Variants in MPPED2 observed in about 807,000 individuals in gnomAD.
The protein encoded by MPPED2 is metallophosphoesterase domain containing 2, also known as metallophosphoesterase MPPED2.
In MPPED2, 5 loss-of-function variants were observed where a neutral mutation model predicts 33.0. The observed-to-expected ratio is 0.15, with a 90% CI of 0.08 to 0.32. The LOEUF is 0.32. Ranked by LOEUF, MPPED2 falls within the 10% of genes least tolerant of loss-of-function variation. The pLI is 1.00. For missense variants in MPPED2, 275 were observed against 372.1 expected (o/e 0.74, Z 2.15); for synonymous variants, 136 against 141.9 (o/e 0.96, Z 0.29).
chr11:30,534,638 C>T (rs1312840974), intron 3 of MPPED2, among the ~76,000 whole-genome samples: 1 of 152,186 alleles, frequency 6.6e-6, no homozygotes, highest in Non-Finnish European at 1.5e-5. Context: ...GTGAAACACA[C>T]AGCTACAGTG....
intron 4 of MPPED2, among the ~76,000 whole-genome samples, chr11:30,419,549 G>A (rs1187644552): frequency 6.6e-6 from 1 of 152,080 alleles, no homozygotes; most frequent in African/African-American, 2.4e-5. Context: ...CCGTCTTTTG[G>A]TGACAACATC....
At chr11:30,550,532 G>A (rs939427120) in intron 2 of MPPED2, among the ~76,000 whole-genome samples, 1 of 152,168 alleles carries the variant, frequency 6.6e-6, no homozygotes, top group African/African-American at 2.4e-5. Flanking sequence ...GGCAATTTAG[G>A]AAGCAGGTAA....
At position 30,485,094 on chromosome 11, in the gene MPPED2, A is replaced by T. The variant is rs143425223; in HGVS notation, c.536+10202T>A. Among the ~76,000 whole-genome samples the T allele has an allele frequency of 7.2e-4, 110 of 152,300 alleles. 1 individual carries two copies. Among genetic ancestry groups the T allele is most frequent in the African/African-American group, 2.6e-3 (109 of 41,582 alleles). The stretch of plus-strand genomic sequence containing the variant: ...GAGTGCCAGGAACTTAACATACATG[A>T]TCTTATTTTAATCCCATGAAAAATA... On this transcript the variant is annotated intron_variant, in intron 4 of 6. Transcript: ENST00000358117.
chr11:30,567,322 TA>T (rs1389562662), intron 2 of MPPED2, among the ~76,000 whole-genome samples: 2 of 152,200 alleles, frequency 1.3e-5, no homozygotes, highest in East Asian at 3.8e-4. Context: ...AGGCCAGTCT[TA>T]GGGGCAGGCC....
rs953942952 is a variant in MPPED2, at chr11:30,411,372, A to C, written c.*96T>G. 4 of 1,432,264 alleles carry C rather than the reference A, an allele frequency of 2.8e-6. No individual in the cohort carries two copies. Among genetic ancestry groups the C allele is most frequent in the Middle Eastern group, 2.0e-4 (1 of 5,092 alleles). The allele number at this position is 1,432,264 out of a possible 1,614,324, so 88.7% of individuals were successfully genotyped here. A position where few individuals can be genotyped will look rare whatever the true frequency, so the allele number is the denominator to read the frequency against. The stretch of plus-strand genomic sequence containing the variant: ...TTCCAACAATTTACAAAAAGAACTC[A>C]CAGGGTTTGTAAATAAGTAAGAGAA... On this transcript the variant is annotated 3_prime_UTR_variant, in exon 7 of 7. Transcript: ENST00000358117.
chr11:30,388,679 C>G, exon 7 of MPPED2: 1 of 487,206 alleles, frequency 2.1e-6, no homozygotes, highest in Non-Finnish European at 3.4e-6. Context: ...CCTCTTCCAG[C>G]AGAGCCCTCC....
At position 30,573,212 on chromosome 11, in the gene MPPED2, T is replaced by C. The variant is rs200245019; in HGVS notation, c.128+7034A>G. On this transcript the variant is annotated intron_variant, in intron 2 of 6. Coordinates refer to ENST00000358117, the MANE Select transcript of MPPED2 (RefSeq NM_001584.3). ...GAGTTGAAAATTTTCTATCGCCTAA[T>C]GACATTAGCTGTCATAATGTCATTG... is the stretch of plus-strand genomic sequence containing the variant. Among the ~76,000 whole-genome samples, 6 of 152,318 alleles carry C rather than the reference T, an allele frequency of 3.9e-5. No homozygotes were observed. The South Asian group carries it at 8.3e-4, about 21-fold the overall frequency.
chr11:30,452,836 G>A (rs1950120945), intron 4 of MPPED2, among the ~76,000 whole-genome samples: 1 of 152,020 alleles, frequency 6.6e-6, no homozygotes, highest in African/African-American at 2.4e-5. Context: ...TATTCTACGT[G>A]GCTCTGCAAA....
intron 4 of MPPED2, among the ~76,000 whole-genome samples, chr11:30,493,150 G>A (rs1187296650): frequency 6.6e-6 from 1 of 152,020 alleles, no homozygotes; most frequent in East Asian, 1.9e-4. Flanking sequence ...TTGGGAGGCC[G>A]AGGCGGGCGG....
intron 6 of MPPED2, among the ~76,000 whole-genome samples, chr11:30,402,418 G>A (rs1947921333): frequency 6.6e-6 from 1 of 152,196 alleles, no homozygotes; most frequent in African/African-American, 2.4e-5. Flanking sequence ...CCATTGTGTT[G>A]GAAAAGCCCA....
chr11:30,577,554 A>G (rs575311010), intron 2 of MPPED2, among the ~76,000 whole-genome samples: 1 of 152,326 alleles, frequency 6.6e-6, no homozygotes, highest in South Asian at 2.1e-4. Context: ...TTTAGACTAA[A>G]TATTTTATAG....
At chr11:30,530,538 T>A (rs953867980) in intron 3 of MPPED2, among the ~76,000 whole-genome samples, 4 of 152,176 alleles carry the variant, frequency 2.6e-5, no homozygotes, top group African/African-American at 9.7e-5. Flanking sequence ...AGAGAATCTG[T>A]CATAAAGGAT....
chr11:30,506,210 T>C (rs1405176978), intron 3 of MPPED2, among the ~76,000 whole-genome samples: 1 of 151,990 alleles, frequency 6.6e-6, no homozygotes, highest in Non-Finnish European at 1.5e-5. Flanking sequence ...GCTAATTTTT[T>C]ATATTTTTAG....
intron 4 of MPPED2, among the ~76,000 whole-genome samples, chr11:30,474,363 T>C (rs1241102193): frequency 2.0e-5 from 3 of 152,184 alleles, no homozygotes; most frequent in Non-Finnish European, 2.9e-5. Flanking sequence ...CATGTGTTTA[T>C]CTTTGAGAGA....
At chr11:30,514,727 T>C (rs779087997) in intron 3 of MPPED2, among the ~76,000 whole-genome samples, 1 of 152,232 alleles carries the variant, frequency 6.6e-6, no homozygotes, top group Non-Finnish European at 1.5e-5. Context: ...TCAGTGTCCC[T>C]GTAAATGAAA....
At chr11:30,577,621 A>G (rs908265302) in intron 2 of MPPED2, among the ~76,000 whole-genome samples, 8 of 152,210 alleles carry the variant, frequency 5.3e-5, no homozygotes, top group Non-Finnish European at 1.2e-4. Context: ...TTGTTTCTTA[A>G]CATAACAGAA....
chr11:30,389,756 G>T (rs1165054928), intron 6 of MPPED2, among the ~76,000 whole-genome samples: 1 of 152,302 alleles, frequency 6.6e-6, no homozygotes, highest in East Asian at 1.9e-4. Context: ...GTCTCTGAGA[G>T]GCTGAGGCAG....
chr11:30,476,894 T>G (rs957394208), intron 4 of MPPED2, among the ~76,000 whole-genome samples: 7 of 152,014 alleles, frequency 4.6e-5, no homozygotes, highest in Non-Finnish European at 8.8e-5. Flanking sequence ...CTTCTTTAAT[T>G]TTTTCAGCAA....
At chr11:30,557,985 T>C (rs1956062211) in intron 2 of MPPED2, among the ~76,000 whole-genome samples, 1 of 152,156 alleles carries the variant, frequency 6.6e-6, no homozygotes, top group African/African-American at 2.4e-5. Context: ...GTAAAGATAA[T>C]GTCTGTGGCT....
Sources: allele counts gnomAD v4.1 joint callset (sites outside exome capture counted in the v4.1 genomes callset), GRCh38; gene constraint gnomAD v4.1.1; transcripts MANE v1.5; gene names NCBI Gene and HGNC (gene_info 2026-07-23, HGNC 2026-07-21).